The following ITIH4 variants were observed in gnomAD, a reference collection of about 807,000 sequenced individuals.
ITIH4 encodes inter-alpha-trypsin inhibitor heavy chain H4.
ITIH4 carries 79 observed loss-of-function variants against 111.8 expected under a neutral mutation model. The observed-to-expected ratio is 0.71, with a 90% CI of 0.59 to 0.85. The LOEUF (loss-of-function observed/expected upper bound fraction) is 0.85. ITIH4 is among the 40% of genes least tolerant of loss of function. The pLI is 0.00. For synonymous variants in ITIH4, 472 were observed against 468.3 expected, an observed-to-expected ratio of 1.01 and a Z score of -0.10; for missense variants, 1,065 against 1,195.8, an observed-to-expected ratio of 0.89 and a Z score of 1.61.
At chr3:52,823,040 T>A (rs1700412585) in intron 11 of ITIH4, among the ~76,000 whole-genome samples, 1 of 152,134 alleles carries the variant, frequency 6.6e-6, no homozygotes, top group Non-Finnish European at 1.5e-5. Context: ...CACTGCTGCA[T>A]CCCAGGGCCT....
In ITIH4 at chr3:52,827,098, G is replaced by GAGGCCA. The variant is rs1559482380; in HGVS notation, c.345_350dup (p.Gly116_Leu117dup). Reference sequence around the variant, plus strand: ...GCTGCCCCCCACCAGCTCACTTGACGAGGCCAGCGCTCTTTCCCTTGGCCA... The same window carrying GAGGCCA: ...GCTGCCCCCCACCAGCTCACTTGACGAGGCCAAGGCCAGCGCTCTTTCCCTTGGCCA... On this transcript the variant is annotated inframe_insertion, in exon 3 of 24. Transcript: ENST00000266041. The GAGGCCA allele has an allele frequency of 1.2e-6, 2 of 1,613,960 alleles. No homozygotes were observed. The highest frequency in any genetic ancestry group is 1.7e-6 in the Non-Finnish European group (2 of 1,179,892).
chr3:52,822,490 G>A (rs531989506), intron 11 of ITIH4, among the ~76,000 whole-genome samples: 1 of 152,240 alleles, frequency 6.6e-6, no homozygotes, highest in Non-Finnish European at 1.5e-5. Context: ...GGGAACCCAC[G>A]GCCTCCAAGC....
At chr3:52,813,882 G>A (rs1700230756) in intron 23 of ITIH4, 93 bp downstream of exon 23, 1 of 967,886 alleles carries the variant, frequency 1.0e-6, no homozygotes, top group South Asian at 1.4e-5. Flanking sequence ...TCCTGGGCAA[G>A]GACAGGAGTG....
Position 52,814,302 on chromosome 3 carries a change from T to G in ITIH4, c.2533A>C (p.Ile845Leu), listed in dbSNP as rs540681269. 9 of 1,614,060 alleles carry G rather than the reference T, an allele frequency of 5.6e-6. No homozygotes were observed. The South Asian group carries it at 9.9e-5, about 18-fold the overall frequency. ...LLLSDPDKVTIGLLFWDGRGE... is the reference protein window; with the variant it reads ...LLLSDPDKVTLGLLFWDGRGE... Reference sequence around the variant, plus strand: ...CGGCCATCCCAGAACAACAGGCCGATGGTCACTTTGTCTGGGTCACTGAGC... The same window carrying G: ...CGGCCATCCCAGAACAACAGGCCGAGGGTCACTTTGTCTGGGTCACTGAGC... Residue 845 changes from isoleucine (I) to leucine (L), a missense_variant, in exon 22 of 24, where the codon ATC becomes CTC. Ile to Leu is a conservative substitution (Grantham distance 5). Coordinates refer to ENST00000266041, the MANE Select transcript of ITIH4 (RefSeq NM_002218.5).
intron 21 of ITIH4, among the ~76,000 whole-genome samples, chr3:52,816,268 C>A (rs1413995595): frequency 1.3e-5 from 2 of 152,198 alleles, no homozygotes; most frequent in Non-Finnish European, 2.9e-5. Context: ...AGCTCCCTCA[C>A]CCAAAAGAGG....
In ITIH4 at chr3:52,826,886, A is replaced by G. The variant is rs1700488366; in HGVS notation, c.424T>C (p.Phe142Leu). 1.2e-6 allele frequency: 2 copies of G among 1,614,104 alleles called. No individual in the cohort carries two copies. The highest frequency in any genetic ancestry group is 2.7e-5 in the African/African-American group (2 of 75,032). Residue 142 changes from phenylalanine to leucine, a missense_variant, in exon 4 of 24, where the codon TTT (phenylalanine) becomes CTT (leucine). Coordinates refer to ENST00000266041, the MANE Select transcript of ITIH4 (RefSeq NM_002218.5). Reference protein sequence around the residue: ...VSVAPNAKITFELVYEELLKR... With the variant: ...VSVAPNAKITLELVYEELLKR... ...AGCAGCTCCTCATAGACCAGCTCAAAGGTGATCTTGGCATTGGGAGCCACA... is the reference window on the plus strand; with the variant it reads ...AGCAGCTCCTCATAGACCAGCTCAAGGGTGATCTTGGCATTGGGAGCCACA...
Position 52,826,539 on chromosome 3 carries a change from A to C in ITIH4, c.630+2T>G. ...CTCACCTGCTGACCACAACAGGCCC[A>C]CCTTGGTCTTATTCTGCCAGGTGGT... On this transcript the variant is annotated splice_donor_variant, in intron 5 of 23. Coordinates refer to ENST00000266041, the MANE Select transcript of ITIH4 (RefSeq NM_002218.5). LOFTEE classifies it high-confidence loss of function. 8 of 1,611,630 alleles carry C rather than the reference A, an allele frequency of 5.0e-6. No individual in the cohort carries two copies. The highest frequency in any genetic ancestry group is 6.8e-6 in the Non-Finnish European group (8 of 1,177,838).
Position 52,814,251 on chromosome 3 carries a change from G to A in ITIH4, c.2584C>T (p.Arg862Cys), listed in dbSNP as rs748153261. ...TGGCTGGAGAAGCGGTCAGTGTCAC[G>A]CAGAAGGAGCCGGAGCCCCTCCCCA... is the stretch of plus-strand genomic sequence containing the variant. ...GRGEGLRLLL[R>C]DTDRFSSHVG... Residue 862 changes from arginine (R) to cysteine (C), a missense_variant, in exon 22 of 24, where the codon CGT becomes TGT. Coordinates refer to ENST00000266041, the MANE Select transcript of ITIH4 (RefSeq NM_002218.5). 13 of 1,613,548 alleles carry A rather than the reference G, an allele frequency of 8.1e-6. No homozygotes were observed. The highest frequency in any genetic ancestry group is 1.7e-5 in the Admixed American group (1 of 59,996).
chr3:52,827,164 G>T lies in ITIH4; in HGVS notation c.285C>A (p.Ile95=). 1.2e-6 allele frequency: 2 copies of T among 1,614,126 alleles called. No homozygotes were observed. The highest frequency in any genetic ancestry group is 1.7e-6 in the Non-Finnish European group (2 of 1,180,018). The part of the protein sequence containing the change: ...IIDGMTYPGI[I]KEKAEAQAQY... ...GTGCCTGGGCTTCAGCCTTCTCCTT[G>T]ATGATCCCTGGGTAGGTCATGCCAT... Residue 95 remains isoleucine, a synonymous_variant, in exon 3 of 24, where the codon ATC becomes ATA. Transcript: ENST00000266041.
chr3:52,818,776 C>G, intron 17 of ITIH4: 1 of 552,490 alleles, frequency 1.8e-6, no homozygotes. Flanking sequence ...CAAGGGACCT[C>G]TGTTGGCTTT....
intron 5 of ITIH4, 28 bp downstream of exon 5, chr3:52,826,513 C>G: frequency 6.4e-7 from 1 of 1,558,430 alleles, no homozygotes; most frequent in Non-Finnish European, 8.9e-7. Flanking sequence ...CCCTTGGTAC[C>G]CTCACCTGCT....
chr3:52,823,844 T>G lies in ITIH4; in HGVS notation c.1332A>C (p.Ser444=). 2 of 1,613,904 alleles carry G rather than the reference T, an allele frequency of 1.2e-6. No homozygotes were observed. Among genetic ancestry groups the G allele is most frequent in the Middle Eastern group, 1.6e-4 (1 of 6,062 alleles). The change falls in exon 10 of 24, where the codon TCA becomes TCC. Residue 444 remains serine, a synonymous_variant. Coordinates refer to ENST00000266041, the MANE Select transcript of ITIH4 (RefSeq NM_002218.5). ...GCACCTGGAGCTGCAGGGCAGAGTCTGAGTCCTCATGGATGCGCCGGGCCA... is the reference window on the plus strand; with the variant it reads ...GCACCTGGAGCTGCAGGGCAGAGTCGGAGTCCTCATGGATGCGCCGGGCCA... The part of the protein sequence containing the change: ...GGLARRIHED[S]DSALQLQDFY...
At chr3:52,827,357 C>G (rs1700500302) in intron 2 of ITIH4, among the ~76,000 whole-genome samples, 160 bp from the exon 3 acceptor site, 1 of 152,248 alleles carries the variant, frequency 6.6e-6, no homozygotes, top group South Asian at 2.1e-4. Context: ...CTACCGCATA[C>G]AGGACCCTGT....
At chr3:52,815,250 T>C (rs1396823943) in intron 21 of ITIH4, among the ~76,000 whole-genome samples, 1 of 151,020 alleles carries the variant, frequency 6.6e-6, no homozygotes, top group Admixed American at 6.6e-5. Flanking sequence ...TTTTTTCTTT[T>C]TTTTTTTTTT....
intron 21 of ITIH4, among the ~76,000 whole-genome samples, chr3:52,815,246 CTTT>C (rs59772931): frequency 3.6e-5 from 5 of 139,094 alleles, no homozygotes; most frequent in African/African-American, 2.8e-5. Context: ...TTTCTTTTTT[CTTT>C]TTTTTTTTTT....
intron 14 of ITIH4, 124 bp from the exon 15 acceptor site, chr3:52,820,114 G>A (rs1168822567): frequency 1.6e-6 from 2 of 1,282,222 alleles, no homozygotes; most frequent in Non-Finnish European, 2.3e-6. Context: ...TGAATGCACA[G>A]GCGACTAAAT....
chr3:52,820,849 C>T, intron 12 of ITIH4, 64 bp from the exon 13 acceptor site: 2 of 1,563,178 alleles, frequency 1.3e-6, no homozygotes, highest in Non-Finnish European at 1.7e-6. Flanking sequence ...TTCCATCCAG[C>T]CCCTTCTGGG....
chr3:52,821,390 A>G (rs1700378273), intron 11 of ITIH4, among the ~76,000 whole-genome samples: 1 of 152,196 alleles, frequency 6.6e-6, no homozygotes, highest in African/African-American at 2.4e-5. Flanking sequence ...GCCAGGACTC[A>G]GATCAGCCAA....
Position 52,826,790 on chromosome 3 carries a change from C to A in ITIH4, c.519+1G>T. On this transcript the variant is annotated splice_donor_variant, in intron 4 of 23. Coordinates refer to ENST00000266041, the MANE Select transcript of ITIH4 (RefSeq NM_002218.5). LOFTEE classifies it high-confidence loss of function. ...TCCCTGGAAGAGGTAGCAGCAGGTACCTGCAGGTGCTTGACCAGCTGCTGG... is the reference window on the plus strand; with the variant it reads ...TCCCTGGAAGAGGTAGCAGCAGGTAACTGCAGGTGCTTGACCAGCTGCTGG... 1 of 1,613,710 alleles carries A rather than the reference C, an allele frequency of 6.2e-7. No homozygotes were observed. Among genetic ancestry groups the A allele is most frequent in the Non-Finnish European group, 8.5e-7 (1 of 1,179,974 alleles).
Sources: allele counts gnomAD v4.1 joint callset (sites outside exome capture counted in the v4.1 genomes callset), GRCh38; gene constraint gnomAD v4.1.1; transcripts MANE v1.5; gene names NCBI Gene and HGNC (gene_info 2026-07-23, HGNC 2026-07-21).